RHCE: variants seen among roughly 807,000 people sequenced by gnomAD.
The protein encoded by RHCE is Rh blood group CcEe antigens.
A neutral mutation model predicts 43.8 loss-of-function variants in RHCE; 22 were observed. The ratio of observed to expected loss-of-function variants is 0.50; its 90% CI spans 0.36 to 0.72. The LOEUF (loss-of-function observed/expected upper bound fraction) is 0.72. RHCE is among the 30% of genes least tolerant of loss of function. The probability of loss-of-function intolerance (pLI) is 0.00; values close to 1 mark genes in which losing one functional copy is unlikely to be tolerated. For missense variants in RHCE, 385 were observed against 525.4 expected (o/e 0.73, Z 2.61); for synonymous variants, 156 against 210.7 (o/e 0.74, Z 2.25).
intron 7 of RHCE, among the ~76,000 whole-genome samples, chr1:25,377,728 A>T (rs1217994708): frequency 6.6e-6 from 1 of 152,118 alleles, no homozygotes; most frequent in Non-Finnish European, 1.5e-5. Context: ...CCCTGTCTCT[A>T]CCAAAAATTA....
intron 1 of RHCE, among the ~76,000 whole-genome samples, chr1:25,417,597 G>A (rs865786444): frequency 7.2e-5 from 11 of 151,976 alleles, no homozygotes; most frequent in South Asian, 2.1e-4. Flanking sequence ...ATCCACTATC[G>A]TCAACTGTAG....
At chr1:25,393,346 C>T (rs1452016719) in intron 3 of RHCE, among the ~76,000 whole-genome samples, 3 of 152,100 alleles carry the variant, frequency 2.0e-5, no homozygotes, top group African/African-American at 7.2e-5. Flanking sequence ...TCAGGCCGGG[C>T]GTGGTGGCTC....
At chr1:25,422,462 T>C (rs2042773008), upstream of RHCE, among the ~76,000 whole-genome samples, 1 of 152,258 alleles carries the variant, frequency 6.6e-6, no homozygotes, top group South Asian at 2.1e-4. Flanking sequence ...AATTTTGCTT[T>C]ATACATTTTC....
intron 7 of RHCE, among the ~76,000 whole-genome samples, chr1:25,384,936 T>G (rs1646104623): frequency 6.6e-6 from 1 of 152,346 alleles, no homozygotes; most frequent in East Asian, 1.9e-4. Flanking sequence ...ATAACAGTAG[T>G]AAATGTTATC....
At chr1:25,418,322 C>T (rs747954473) in intron 1 of RHCE, among the ~76,000 whole-genome samples, 63 of 151,874 alleles carry the variant, frequency 4.1e-4, no homozygotes, top group Non-Finnish European at 8.1e-4. Context: ...GCCACCACAC[C>T]CAGTCCCTGC....
At chr1:25,383,738 T>C (rs1646067571) in intron 7 of RHCE, among the ~76,000 whole-genome samples, 1 of 152,048 alleles carries the variant, frequency 6.6e-6, no homozygotes, top group Non-Finnish European at 1.5e-5. Context: ...TCACTCACCC[T>C]GATGAGAGTT....
At chr1:25,388,680 C>A (rs568234603) in intron 6 of RHCE, among the ~76,000 whole-genome samples, 1 of 152,172 alleles carries the variant, frequency 6.6e-6, no homozygotes, top group Non-Finnish European at 1.5e-5. Flanking sequence ...ACAGGGGCTT[C>A]TGGGCTCCCC....
At chr1:25,429,635 T>TACTATTCTAGTATGACC (rs1253838046) in intron 1 of RHCE, among the ~76,000 whole-genome samples, 4 of 152,272 alleles carry the variant, frequency 2.6e-5, no homozygotes, top group South Asian at 2.1e-4. Context: ...CTAGTATGAC[T>TACTATTCTAGTATGACC]ACTATTCTAG....
intron 6 of RHCE, among the ~76,000 whole-genome samples, chr1:25,386,735 T>C (rs1161826788): frequency 6.6e-6 from 1 of 151,992 alleles, no homozygotes; most frequent in African/African-American, 2.4e-5. Flanking sequence ...GGCAGGAGAA[T>C]GGTGTGAACC....
upstream of RHCE, among the ~76,000 whole-genome samples, chr1:25,423,011 C>T (rs1402899752): frequency 1.3e-5 from 2 of 152,124 alleles, no homozygotes; most frequent in African/African-American, 4.8e-5. Context: ...TCCTAACGGG[C>T]CACAGCCTGG....
At position 25,402,538 on chromosome 1, in the gene RHCE, C is replaced by T. The variant is rs1646786166; in HGVS notation, c.486+58G>A. 10 of 1,613,330 alleles carry T rather than the reference C, an allele frequency of 6.2e-6. No individual in the cohort carries two copies. The East Asian group carries it at 6.7e-5, about 11-fold the overall frequency. On this transcript the variant is annotated intron_variant, in intron 3 of 9. Transcript: ENST00000294413. The stretch of plus-strand genomic sequence containing the variant: ...ATTTTTCAAAACCCCGGAAGCCCCA[C>T]CAAATGGAGCTTTTGGCCCTTTTCT...
chr1:25,422,145 C>T (rs116036081), upstream of RHCE, among the ~76,000 whole-genome samples: 1,309 of 152,300 alleles, frequency 8.6e-3, 13 homozygotes, highest in African/African-American at 0.029. Flanking sequence ...CACTTGGCAT[C>T]GGTCACTTCT....
chr1:25,376,686 G>A (rs1223604186), intron 7 of RHCE, among the ~76,000 whole-genome samples: 6 of 152,136 alleles, frequency 3.9e-5, no homozygotes, highest in East Asian at 1.9e-4. Flanking sequence ...AGGCCGAGGC[G>A]GGTGGATCAT....
upstream of RHCE, among the ~76,000 whole-genome samples, chr1:25,425,797 A>C (rs72660932): frequency 0.066 from 10,047 of 152,246 alleles, 472 homozygotes; most frequent in Non-Finnish European, 0.1. Context: ...ACCTGAGTCA[A>C]GCTCAGTCAC....
rs1646990696 is a variant in RHCE, at chr1:25,408,826, G to T, written c.192C>A (p.Phe64Leu). The change falls in exon 2 of 10, where the codon TTC (phenylalanine) becomes TTA (leucine). Residue 64 changes from phenylalanine to leucine, a missense_variant. Phe to Leu is a conservative substitution (Grantham distance 22, BLOSUM62 0). Transcript: ENST00000294413. ...LTVMAALGLG[F>L]LTSNFRRHSW... Reference sequence around the variant, plus strand: ...TGTGTCTCCGGAAATTTGAGGTGAGGAAGCCCAAGCCAAGGGCCGCCATCA... The same window carrying T: ...TGTGTCTCCGGAAATTTGAGGTGAGTAAGCCCAAGCCAAGGGCCGCCATCA... 2 of 1,283,210 alleles carry T rather than the reference G, an allele frequency of 1.6e-6. 1 individual carries two copies. The highest frequency in any genetic ancestry group is 2.8e-5 in the African/African-American group (2 of 72,606). The allele number at this position is 1,283,210 out of a possible 1,614,324, so 79.5% of individuals were successfully genotyped here.
chr1:25,413,113 C>T (rs1647148918), intron 1 of RHCE, among the ~76,000 whole-genome samples: 1 of 152,118 alleles, frequency 6.6e-6, no homozygotes, highest in Admixed American at 6.6e-5. Context: ...TCCCTGATTC[C>T]AGGTATATGC....
intron 6 of RHCE, among the ~76,000 whole-genome samples, chr1:25,386,371 TAGAA>T: frequency 6.6e-6 from 1 of 152,182 alleles, no homozygotes; most frequent in East Asian, 1.9e-4. Context: ...CACAGCTGGT[TAGAA>T]AGAAAGCATG....
At chr1:25,382,196 A>G (rs758742521) in intron 7 of RHCE, among the ~76,000 whole-genome samples, 2 of 148,358 alleles carry the variant, frequency 1.3e-5, no homozygotes, top group African/African-American at 2.6e-5. Flanking sequence ...TCCTCCAAAT[A>G]GCATCAACAT....
intron 3 of RHCE, among the ~76,000 whole-genome samples, chr1:25,392,989 T>C (rs1175855274): frequency 6.6e-6 from 1 of 152,164 alleles, no homozygotes; most frequent in East Asian, 1.9e-4. Context: ...ATGAGTGATA[T>C]AAATTTTGCA....
Sources: gnomAD v4.1 joint callset for allele counts (sites outside exome capture counted in the v4.1 genomes callset) on GRCh38, gnomAD v4.1.1 for gene constraint, MANE v1.5 for transcripts, NCBI Gene and HGNC (gene_info 2026-07-23, HGNC 2026-07-21) for gene names.